POLB: variants seen among roughly 807,000 people sequenced by gnomAD.
POLB encodes the protein DNA polymerase beta.
In POLB, 37 loss-of-function variants were observed where a neutral mutation model predicts 52.7. The ratio of observed to expected loss-of-function variants is 0.70; its 90% CI spans 0.54 to 0.92. The LOEUF (loss-of-function observed/expected upper bound fraction) is 0.92, where lower values mean the gene tolerates loss of function less well. POLB is among the 40% of genes least tolerant of loss of function. The pLI, the probability that POLB is intolerant of heterozygous loss-of-function variation, is 0.00. For synonymous variants in POLB, 138 were observed against 131.3 expected (o/e 1.05, Z -0.35); for missense variants, 313 against 400.8 (o/e 0.78, Z 1.87).
chr8:42,355,452 T>C, intron 6 of POLB, 64 bp from the exon 7 acceptor site: 1 of 895,372 alleles, frequency 1.1e-6, no homozygotes, highest in South Asian at 1.4e-5. Flanking sequence ...GGTCATTGAG[T>C]TTAGCATTTT....
intron 2 of POLB, chr8:42,342,270 T>G (rs1822250214): frequency 6.5e-7 from 1 of 1,544,270 alleles, no homozygotes; most frequent in Non-Finnish European, 8.8e-7. Flanking sequence ...TCACCTCCAC[T>G]TGGCCTTCAT....
chr8:42,343,676 G>A (rs949555963), intron 2 of POLB, among the ~76,000 whole-genome samples: 1 of 151,972 alleles, frequency 6.6e-6, no homozygotes, highest in African/African-American at 2.4e-5. Flanking sequence ...AAAGACAGCT[G>A]GTCTCCCCAT....
intron 2 of POLB, among the ~76,000 whole-genome samples, chr8:42,343,154 T>A (rs998893629): frequency 1.2e-4 from 18 of 150,768 alleles, no homozygotes. Context: ...AACCCCGTCT[T>A]TACTAAAAAT....
At chr8:42,348,349 A>T (rs915788533) in intron 3 of POLB, among the ~76,000 whole-genome samples, 4 of 152,218 alleles carry the variant, frequency 2.6e-5, no homozygotes, top group African/African-American at 9.6e-5. Flanking sequence ...ACATTTGGCC[A>T]TTGAGTTCTT....
At chr8:42,363,029 C>T (rs570847692) in intron 11 of POLB, among the ~76,000 whole-genome samples, 46 of 151,324 alleles carry the variant, frequency 3.0e-4, no homozygotes, top group African/African-American at 1.0e-3. Flanking sequence ...GAGGATGAGG[C>T]GGGAAAATCA....
chr8:42,369,124 A>G, intron 11 of POLB, 147 bp from the exon 12 acceptor site: 1 of 564,670 alleles, frequency 1.8e-6, no homozygotes. Context: ...GGGATAGTGT[A>G]TTGCTCACAG....
chr8:42,345,497 C>A (rs572855079), intron 3 of POLB, among the ~76,000 whole-genome samples: 1 of 152,182 alleles, frequency 6.6e-6, no homozygotes, highest in South Asian at 2.1e-4. Context: ...GTAATTTCCA[C>A]GAAGCCTTGT....
intron 2 of POLB, chr8:42,342,453 A>G: frequency 4.0e-6 from 5 of 1,262,464 alleles, no homozygotes; most frequent in Admixed American, 1.7e-5. Context: ...CAATCTGACA[A>G]TTGATATCTC....
intron 6 of POLB, among the ~76,000 whole-genome samples, chr8:42,353,270 G>A (rs946976528): frequency 1.4e-5 from 2 of 147,920 alleles, no homozygotes; most frequent in South Asian, 2.1e-4. Context: ...CACCACACCC[G>A]GCTAATTTTT....
At chr8:42,345,057 G>T (rs747868852) in intron 3 of POLB, 38 bp downstream of exon 3, 2 of 1,457,726 alleles carry the variant, frequency 1.4e-6, no homozygotes, top group African/African-American at 1.4e-5. Context: ...GAGTTCACAC[G>T]TGTCCAAATT....
At chr8:42,348,094 G>A (rs2130794864) in intron 3 of POLB, among the ~76,000 whole-genome samples, 1 of 152,278 alleles carries the variant, frequency 6.6e-6, no homozygotes, top group Non-Finnish European at 1.5e-5. Context: ...GAAAGTGTTG[G>A]TTGTTACAGC....
chr8:42,350,682 G>C (rs1051593693), intron 5 of POLB, among the ~76,000 whole-genome samples: 2 of 152,116 alleles, frequency 1.3e-5, no homozygotes, highest in Non-Finnish European at 2.9e-5. Context: ...AAATATTAAG[G>C]CTTTAGTGCT....
intron 11 of POLB, among the ~76,000 whole-genome samples, chr8:42,364,518 T>G (rs1441373867): frequency 1.3e-5 from 2 of 152,202 alleles, no homozygotes; most frequent in Admixed American, 6.5e-5. Context: ...TATGAGCCAC[T>G]GTGCCCGGGC....
intron 11 of POLB, 100 bp downstream of exon 11, chr8:42,362,798 A>G: frequency 1.5e-6 from 1 of 679,500 alleles, no homozygotes; most frequent in Non-Finnish European, 2.6e-6. Flanking sequence ...AATTACAGTC[A>G]CCAAATAGAG....
rs900287441 is a variant in POLB at position 42,362,646 on chromosome 8, A to G, written c.656A>G (p.Gln219Arg). 1.1e-5 allele frequency: 18 copies of G among 1,611,276 alleles called. No homozygotes were observed. The highest frequency in any genetic ancestry group is 1.4e-5 in the Non-Finnish European group (17 of 1,177,656). The change falls in exon 11 of 14, where the codon CAA becomes CGA. Residue 219 changes from glutamine (Q) to arginine (R), a missense_variant. Gln to Arg is a conservative substitution (Grantham distance 43). This residue lies in a region of POLB where 246 missense variants were observed against 297.6 expected (regional missense o/e 0.83). Transcript: ENST00000265421. ...TTACATCAGGTTGTGGAGCAGTTAC[A>G]AAAGGTTCATTTTATCACAGATACC... is the stretch of plus-strand genomic sequence containing the variant. ...KLLHQVVEQL[Q>R]KVHFITDTLS...
chr8:42,345,382 T>C (rs993676171), intron 3 of POLB, among the ~76,000 whole-genome samples: 10 of 152,186 alleles, frequency 6.6e-5, no homozygotes, highest in Non-Finnish European at 1.3e-4. Flanking sequence ...TCCCCAGGTG[T>C]AGGAACCTAT....
rs148091234 is a variant in POLB, at chr8:42,363,063, C to T, written c.708+365C>T. Among the ~76,000 whole-genome samples, 823 of 150,024 alleles carry T rather than the reference C, an allele frequency of 5.5e-3. 12 individuals carry two copies. Among genetic ancestry groups the T allele is most frequent in the African/African-American group, 0.019 (779 of 40,726 alleles). Reference sequence around the variant, plus strand: ...CACTTGAACCCAGGAGACGGAGGTGCGGTGAGCATAGATCGTGCCACTGCA... The same window carrying T: ...CACTTGAACCCAGGAGACGGAGGTGTGGTGAGCATAGATCGTGCCACTGCA... On this transcript the variant is annotated intron_variant, in intron 11 of 13. Coordinates refer to ENST00000265421, the MANE Select transcript of POLB (RefSeq NM_002690.3).
intron 7 of POLB, among the ~76,000 whole-genome samples, chr8:42,356,887 T>C (rs1265544227): frequency 6.6e-6 from 1 of 152,214 alleles, no homozygotes; most frequent in African/African-American, 2.4e-5. Context: ...TATTTACTCT[T>C]GTTACATGAA....
chr8:42,353,390 G>A (rs1327084705), intron 6 of POLB, among the ~76,000 whole-genome samples: 2 of 151,724 alleles, frequency 1.3e-5, no homozygotes, highest in Non-Finnish European at 1.5e-5. Flanking sequence ...TTACAGGCGT[G>A]AGCCACCGCG....
Sources: allele counts gnomAD v4.1 joint callset (sites outside exome capture counted in the v4.1 genomes callset), GRCh38; gene constraint gnomAD v4.1.1; regional missense constraint gnomAD v4.1.1; transcripts MANE v1.5; gene names NCBI Gene and HGNC (gene_info 2026-07-23, HGNC 2026-07-21).